GRID2: variants seen among roughly 807,000 people sequenced by gnomAD.
GRID2 encodes the protein glutamate receptor ionotropic, delta-2.
Under a neutral mutation model 114.8 loss-of-function variants are expected in GRID2, and 33 were observed. The observed-to-expected ratio is 0.29, with a 90% confidence interval of 0.22 to 0.38. The LOEUF (loss-of-function observed/expected upper bound fraction) is 0.38, where lower values mean the gene tolerates loss of function less well. GRID2 is among the 10% of genes least tolerant of loss of function. The pLI, the probability that GRID2 is intolerant of heterozygous loss-of-function variation, is 1.00. For missense variants in GRID2, 1,184 were observed against 1,257.7 expected (o/e 0.94, Z 0.89); for synonymous variants, 505 against 449.9 (o/e 1.12, Z -1.55).
intron 14 of GRID2, among the ~76,000 whole-genome samples, chr4:93,689,985 T>A (rs1358679575): frequency 1.3e-5 from 2 of 152,058 alleles, no homozygotes; most frequent in African/African-American, 4.8e-5. Context: ...CTAATAACAT[T>A]TGAATTTATT....
intron 2 of GRID2, among the ~76,000 whole-genome samples, chr4:92,923,398 C>T (rs1293511067): frequency 1.3e-5 from 2 of 151,960 alleles, no homozygotes; most frequent in Admixed American, 6.6e-5. Context: ...TAAAATATTG[C>T]TTTATTGTTG....
At chr4:92,826,070 T>C (rs762069311) in intron 2 of GRID2, among the ~76,000 whole-genome samples, 10 of 152,114 alleles carry the variant, frequency 6.6e-5, no homozygotes, top group South Asian at 2.1e-4. Context: ...TCTCAGTAGT[T>C]TTCTCTTTCA....
At chr4:92,658,642 A>G (rs1732361861) in intron 2 of GRID2, among the ~76,000 whole-genome samples, 1 of 151,602 alleles carries the variant, frequency 6.6e-6, no homozygotes, top group African/African-American at 2.4e-5. Flanking sequence ...TCACTGGGCC[A>G]TTGGAAAGGA....
rs374738417 is a variant in GRID2, at chr4:93,243,120, T to C, written c.1245+4630T>C. On this transcript the variant is annotated intron_variant, in intron 8 of 15. Coordinates refer to ENST00000282020, the MANE Select transcript of GRID2 (RefSeq NM_001510.4). ...TTGACACTTGAAATTTTTTTTGCAT[T>C]GTTTTACAAATTTAAGCATTCTTAA... 1.1e-3 allele frequency among the ~76,000 whole-genome samples: 171 copies of C among 152,198 alleles called. 3 individuals carry two copies. The highest frequency in any genetic ancestry group is 4.1e-3 in the African/African-American group (170 of 41,578).
intron 1 of GRID2, among the ~76,000 whole-genome samples, chr4:92,421,692 G>C (rs1434626213): frequency 6.6e-6 from 1 of 152,124 alleles, no homozygotes; most frequent in Non-Finnish European, 1.5e-5. Context: ...CTCTGTTTCA[G>C]TCACTCTCTG....
At chr4:92,812,279 T>C (rs1443063491) in intron 2 of GRID2, among the ~76,000 whole-genome samples, 1 of 152,060 alleles carries the variant, frequency 6.6e-6, no homozygotes, top group Non-Finnish European at 1.5e-5. Flanking sequence ...TCACTCTGAT[T>C]TAATATTGTA....
rs553774501 is a variant in GRID2, at chr4:93,677,084, G to C, written c.2360+50649G>C. Among the ~76,000 whole-genome samples, 9 of 152,216 alleles carry C rather than the reference G, an allele frequency of 5.9e-5. No homozygotes were observed. The South Asian group carries it at 1.2e-3, about 21-fold the overall frequency. ...CGGGTCACTCCCACCCAAATACTGCGCTTTCCCTACGGGCTTAGGAAATGG... is the reference window on the plus strand; with the variant it reads ...CGGGTCACTCCCACCCAAATACTGCCCTTTCCCTACGGGCTTAGGAAATGG... On this transcript the variant is annotated intron_variant, in intron 14 of 15. Transcript: ENST00000282020.
intron 2 of GRID2, among the ~76,000 whole-genome samples, chr4:93,019,858 T>C (rs961478603): frequency 1.3e-5 from 2 of 152,154 alleles, no homozygotes; most frequent in African/African-American, 4.8e-5. Context: ...ATGTACCTCA[T>C]GTACAGCCAT....
chr4:93,666,353 A>G (rs1456629593), intron 14 of GRID2, among the ~76,000 whole-genome samples: 3 of 152,088 alleles, frequency 2.0e-5, no homozygotes, highest in African/African-American at 7.2e-5. Context: ...AAAATGAAAG[A>G]AAAAACTGGC....
At chr4:93,238,566 T>C (rs1445639741) in intron 8 of GRID2, 76 bp downstream of exon 8, 1 of 1,265,326 alleles carries the variant, frequency 7.9e-7, no homozygotes, top group African/African-American at 1.5e-5. Context: ...TGCAGTATGA[T>C]CACAGTACCC....
chr4:92,594,766 A>G (rs1037106028), intron 2 of GRID2, among the ~76,000 whole-genome samples: 1 of 151,882 alleles, frequency 6.6e-6, no homozygotes, highest in Non-Finnish European at 1.5e-5. Context: ...TCTCTTATAA[A>G]TTTTTTCTTC....
intron 1 of GRID2, among the ~76,000 whole-genome samples, chr4:92,318,913 G>T (rs1252998459): frequency 1.3e-5 from 2 of 152,054 alleles, no homozygotes; most frequent in East Asian, 1.9e-4. Flanking sequence ...TTCTTATTTG[G>T]TGTAGGCAGG....
At chr4:92,517,125 C>T (rs1484754352) in intron 1 of GRID2, among the ~76,000 whole-genome samples, 1 of 151,824 alleles carries the variant, frequency 6.6e-6, no homozygotes, top group Non-Finnish European at 1.5e-5. Context: ...GTACTGGATG[C>T]CCTCGTAGGC....
intron 2 of GRID2, among the ~76,000 whole-genome samples, chr4:92,595,569 T>C (rs1396744863): frequency 6.6e-6 from 1 of 152,048 alleles, no homozygotes; most frequent in Non-Finnish European, 1.5e-5. Flanking sequence ...AAGGTAAACA[T>C]TTCACTAATA....
chr4:93,005,871 C>A (rs1333525897), intron 2 of GRID2, among the ~76,000 whole-genome samples: 2 of 152,006 alleles, frequency 1.3e-5, no homozygotes, highest in Non-Finnish European at 2.9e-5. Flanking sequence ...AACAAGCCTC[C>A]TACCTAGCTT....
At chr4:92,516,887 T>A (rs538192191) in intron 1 of GRID2, among the ~76,000 whole-genome samples, 1 of 152,056 alleles carries the variant, frequency 6.6e-6, no homozygotes, top group Non-Finnish European at 1.5e-5. Context: ...ATTCTTTGCC[T>A]AATTACTTTC....
intron 2 of GRID2, among the ~76,000 whole-genome samples, chr4:92,612,805 A>G (rs1345468285): frequency 4.0e-5 from 6 of 151,362 alleles, no homozygotes; most frequent in Non-Finnish European, 8.9e-5. Context: ...GAGGAACTCA[A>G]TTGTTTGTTA....
In GRID2 at chr4:92,794,903, T is replaced by TACACACAC. The variant is rs1262318589; in HGVS notation, c.244+204618_244+204619insCACACACA. Among the ~76,000 whole-genome samples the TACACACAC allele has an allele frequency of 8.2e-5, 11 of 134,210 alleles. No homozygotes were observed. In the South Asian group the frequency reaches 1.5e-3, roughly 18 times the overall value. 88.0% of individuals were successfully genotyped at this position (134,210 alleles called of 152,430 possible). ...ATATATATATATATATATATATATA[T>TACACACAC]ATACACACACACACACACACACATA... On this transcript the variant is annotated intron_variant, in intron 2 of 15. Coordinates refer to ENST00000282020, the MANE Select transcript of GRID2 (RefSeq NM_001510.4).
At chr4:93,487,526 T>C (rs1726535731) in intron 11 of GRID2, among the ~76,000 whole-genome samples, 1 of 151,970 alleles carries the variant, frequency 6.6e-6, no homozygotes, top group African/African-American at 2.4e-5. Flanking sequence ...GTGATTTTCT[T>C]TGACCCATGA....
Sources: gnomAD v4.1 joint callset for allele counts (sites outside exome capture counted in the v4.1 genomes callset) on GRCh38, gnomAD v4.1.1 for gene constraint, MANE v1.5 for transcripts, NCBI Gene and HGNC (gene_info 2026-07-23, HGNC 2026-07-21) for gene names.